C12orf42: variants seen among roughly 807,000 people sequenced by gnomAD.
C12orf42 encodes uncharacterized protein C12orf42.
C12orf42 carries 25 observed loss-of-function variants against 21.6 expected under a neutral mutation model. The ratio of observed to expected loss-of-function variants is 1.16; its 90% CI spans 0.84 to 1.62. The LOEUF (loss-of-function observed/expected upper bound fraction) is 1.62. Among genes scored for constraint, C12orf42 ranks in the 40% most tolerant of loss-of-function variants. C12orf42 has a pLI of 0.00. For missense variants in C12orf42, 483 were observed against 459.3 expected (o/e 1.05, Z -0.47); for synonymous variants, 174 against 175.0 (o/e 0.99, Z 0.05).
chr12:103,374,654 A>G (rs2138043012), intron 3 of C12orf42, among the ~76,000 whole-genome samples: 1 of 152,246 alleles, frequency 6.6e-6, no homozygotes, highest in South Asian at 2.1e-4. Context: ...CCAACACACA[A>G]AATAACCAAT....
chr12:103,104,696 G>A, the C12orf42 span, among the ~76,000 whole-genome samples: 1 of 152,206 alleles, frequency 6.6e-6, no homozygotes, highest in African/African-American at 2.4e-5. Flanking sequence ...GCCTCCCAAA[G>A]TGCTGGCATT....
chr12:103,323,844 G>GGTAA (rs1223016717), intron 4 of C12orf42, among the ~76,000 whole-genome samples: 1 of 152,084 alleles, frequency 6.6e-6, no homozygotes, highest in African/African-American at 2.4e-5. Context: ...TACTCCCTTT[G>GGTAA]GTAAGCCTGG....
chr12:103,436,444 G>A (rs1305387879), intron 2 of C12orf42, among the ~76,000 whole-genome samples: 1 of 151,940 alleles, frequency 6.6e-6, no homozygotes, highest in Admixed American at 6.6e-5. Flanking sequence ...CCAATTAAAA[G>A]ACACAGACTG....
At chr12:103,473,437 A>G (rs932334190) in intron 2 of C12orf42, among the ~76,000 whole-genome samples, 7 of 152,194 alleles carry the variant, frequency 4.6e-5, no homozygotes, top group Non-Finnish European at 8.8e-5. Context: ...AAAGCTACAC[A>G]GCCAGTAAGT....
the C12orf42 span, among the ~76,000 whole-genome samples, chr12:103,102,276 A>G: frequency 6.6e-6 from 1 of 152,188 alleles, no homozygotes; most frequent in Admixed American, 6.5e-5. Context: ...AAGAATCAAG[A>G]TCTTCCCCAA....
At chr12:103,156,144 C>A in the C12orf42 span, 1 of 152,176 alleles carries the variant, frequency 6.6e-6, no homozygotes, top group East Asian at 1.9e-4. Flanking sequence ...GAAAGATTAT[C>A]CTCTTTGAAT....
intron 4 of C12orf42, among the ~76,000 whole-genome samples, chr12:103,336,504 T>C (rs2041710790): frequency 6.6e-6 from 1 of 152,210 alleles, no homozygotes; most frequent in South Asian, 2.1e-4. Context: ...GAAAAAATAA[T>C]TCCTATTTTG....
At chr12:103,101,735 A>G in the C12orf42 span, among the ~76,000 whole-genome samples, 1 of 152,242 alleles carries the variant, frequency 6.6e-6, no homozygotes, top group Non-Finnish European at 1.5e-5. Flanking sequence ...GCTCAAAACA[A>G]TAACTACTAA....
chr12:103,382,967 C>G lies in C12orf42; in HGVS notation c.148-13969G>C, dbSNP rs116761669. Among the ~76,000 whole-genome samples the G allele has an allele frequency of 4.0e-3, 615 of 152,274 alleles. 6 individuals are homozygous for G. The highest frequency in any genetic ancestry group is 0.014 in the African/African-American group (576 of 41,556). On this transcript the variant is annotated intron_variant, in intron 3 of 5. Transcript: ENST00000548883. ...GCATGGCTGGCCCAAGCAGCAAAGA[C>G]ACTTTGCTCTTCAAAGACCAGTCAA...
At chr12:103,232,934 G>A (rs918129916), downstream of C12orf42, among the ~76,000 whole-genome samples, 2 of 152,032 alleles carry the variant, frequency 1.3e-5, no homozygotes, top group African/African-American at 2.4e-5. Flanking sequence ...ACCTATTGGG[G>A]GGGTATATGT....
chr12:103,314,726 T>C (rs1025812172), intron 4 of C12orf42, among the ~76,000 whole-genome samples: 3 of 152,188 alleles, frequency 2.0e-5, no homozygotes, highest in Non-Finnish European at 4.4e-5. Flanking sequence ...TAGGGTCTTG[T>C]TCTAGCCGAG....
intron 4 of C12orf42, among the ~76,000 whole-genome samples, chr12:103,343,832 T>C (rs922047012): frequency 6.6e-6 from 1 of 151,574 alleles, no homozygotes; most frequent in African/African-American, 2.4e-5. Flanking sequence ...TGCATTTTAA[T>C]AGCATTTCAG....
chr12:103,450,395 A>C (rs532180839), intron 2 of C12orf42, among the ~76,000 whole-genome samples: 1 of 152,160 alleles, frequency 6.6e-6, no homozygotes, highest in South Asian at 2.1e-4. Context: ...GGTGTTCTTG[A>C]TTTATTTACT....
chr12:103,402,828 G>A (rs1482850829), intron 2 of C12orf42, among the ~76,000 whole-genome samples: 2 of 152,160 alleles, frequency 1.3e-5, no homozygotes, highest in African/African-American at 4.8e-5. Context: ...GAAGTAGAAG[G>A]GGACCCAAGG....
chr12:103,507,160 A>T, the C12orf42 span, among the ~76,000 whole-genome samples: 1 of 24,862 alleles, frequency 4.0e-5, no homozygotes, highest in Non-Finnish European at 5.4e-5. Context: ...AAATATATAT[A>T]TATAATATAT....
chr12:103,242,389 G>A (rs2033791644), intron 10 of C12orf42, among the ~76,000 whole-genome samples: 1 of 152,150 alleles, frequency 6.6e-6, no homozygotes, highest in Admixed American at 6.6e-5. Context: ...TAATAGCTAA[G>A]TTGTGTTTTC....
chr12:103,082,303 C>A, the C12orf42 span, among the ~76,000 whole-genome samples: 1 of 152,264 alleles, frequency 6.6e-6, no homozygotes, highest in South Asian at 2.1e-4. Context: ...ACCAGAGTAG[C>A]AAGTATAAAC....
chr12:103,058,743 C>A, the C12orf42 span, among the ~76,000 whole-genome samples: 1 of 152,020 alleles, frequency 6.6e-6, no homozygotes, highest in Non-Finnish European at 1.5e-5. Flanking sequence ...GGGTAAATAA[C>A]GAAATTAAGG....
chr12:103,303,623 C>G (rs1836548178), intron 5 of C12orf42, among the ~76,000 whole-genome samples: 1 of 152,142 alleles, frequency 6.6e-6, no homozygotes, highest in Non-Finnish European at 1.5e-5. Flanking sequence ...GGATGTCAAA[C>G]AGCCAGTGTA....
Sources: gnomAD v4.1 joint callset for allele counts (sites outside exome capture counted in the v4.1 genomes callset) on GRCh38, gnomAD v4.1.1 for gene constraint, MANE v1.5 for transcripts, NCBI Gene and HGNC (gene_info 2026-07-23, HGNC 2026-07-21) for gene names.